CCDC171: variants seen among roughly 807,000 people sequenced by gnomAD.
CCDC171 encodes coiled-coil domain containing 171.
CCDC171 carries 177 observed loss-of-function variants against 168.2 expected under a neutral mutation model. That is an observed-to-expected ratio of 1.05 (90% confidence interval 0.93 to 1.19). The LOEUF is 1.19. Among genes scored for constraint, CCDC171 ranks in the 50% most tolerant of loss-of-function variants. The probability of loss-of-function intolerance (pLI) is 0.00; values close to 1 mark genes in which losing one functional copy is unlikely to be tolerated. For missense variants in CCDC171, 1,991 were observed against 1,539.0 expected (o/e 1.29, Z -4.91); for synonymous variants, 687 against 540.8 (o/e 1.27, Z -3.75).
chr9:15,977,803 G>C (rs16933846), downstream of CCDC171, among the ~76,000 whole-genome samples: 11,894 of 152,158 alleles, frequency 0.078, 1,520 homozygotes, highest in African/African-American at 0.27. Context: ...AAACATTCAC[G>C]ATGACAAGAA....
intron 16 of CCDC171, among the ~76,000 whole-genome samples, chr9:15,739,531 A>G (rs1489003011): frequency 6.6e-6 from 1 of 152,154 alleles, no homozygotes; most frequent in Non-Finnish European, 1.5e-5. Flanking sequence ...TTATCAGTAA[A>G]ACTGTGCCAA....
chr9:16,059,531 G>A (rs1356571977), intron 1 of CCDC171, among the ~76,000 whole-genome samples: 3 of 121,884 alleles, frequency 2.5e-5, no homozygotes, highest in Non-Finnish European at 4.8e-5. Flanking sequence ...TTTTTGAGAC[G>A]GAGTCTCGCT....
chr9:15,605,690 A>G lies in CCDC171; in HGVS notation c.675+11518A>G, dbSNP rs530405063. Reference sequence around the variant, plus strand: ...CGACAGAGCGAGACTCTGTCAAAAAAAAAAAAAGAAAAAAAAAAGTCCCTA... The same window carrying G: ...CGACAGAGCGAGACTCTGTCAAAAAGAAAAAAAGAAAAAAAAAAGTCCCTA... On this transcript the variant is annotated intron_variant, in intron 6 of 25. Transcript: ENST00000380701. 8.8e-4 allele frequency among the ~76,000 whole-genome samples: 134 copies of G among 151,838 alleles called. 2 individuals are homozygous for G. In the South Asian group the frequency reaches 0.027, roughly 31 times the overall value.
intron 16 of CCDC171, among the ~76,000 whole-genome samples, chr9:15,742,230 C>A (rs1389840253): frequency 6.6e-6 from 1 of 152,166 alleles, no homozygotes; most frequent in African/African-American, 2.4e-5. Flanking sequence ...ATTCTCACAT[C>A]CCTTTACTAA....
intron 7 of CCDC171, among the ~76,000 whole-genome samples, chr9:15,642,845 T>C (rs1281422118): frequency 6.6e-6 from 1 of 152,188 alleles, no homozygotes; most frequent in African/African-American, 2.4e-5. Context: ...TTTTGATTTT[T>C]GGAGTGAAAA....
chr9:15,640,315 A>T (rs1406254737), intron 7 of CCDC171, among the ~76,000 whole-genome samples: 10 of 152,104 alleles, frequency 6.6e-5, no homozygotes, highest in Non-Finnish European at 5.9e-5. Context: ...TCTGAGTCAC[A>T]AAGCAGCATT....
intron 21 of CCDC171, among the ~76,000 whole-genome samples, chr9:15,801,477 C>A (rs2058818289): frequency 6.6e-6 from 1 of 152,010 alleles, no homozygotes; most frequent in African/African-American, 2.4e-5. Flanking sequence ...TATCCTGCAG[C>A]TTTAGTGAAT....
intron 24 of CCDC171, among the ~76,000 whole-genome samples, chr9:15,906,583 A>G (rs973109433): frequency 1.3e-5 from 2 of 152,150 alleles, no homozygotes; most frequent in Non-Finnish European, 2.9e-5. Context: ...ATGGGCAAAA[A>G]CTGGAAGCAT....
intron 9 of CCDC171, among the ~76,000 whole-genome samples, chr9:15,673,409 T>A (rs963378406): frequency 6.6e-6 from 1 of 151,904 alleles, no homozygotes. Flanking sequence ...TGAGAGAGGG[T>A]CTCCTTGTCT....
chr9:15,772,835 G>C (rs1236208036), intron 18 of CCDC171, among the ~76,000 whole-genome samples: 4 of 152,118 alleles, frequency 2.6e-5, no homozygotes, highest in African/African-American at 9.7e-5. Context: ...TGACTACAGA[G>C]AAAATGGAAT....
intron 18 of CCDC171, among the ~76,000 whole-genome samples, chr9:15,749,936 T>C (rs546662218): frequency 4.0e-5 from 6 of 151,058 alleles, no homozygotes; most frequent in Non-Finnish European, 7.4e-5. Context: ...GCACACAGAT[T>C]CAAAAGCTAG....
intron 3 of CCDC171, among the ~76,000 whole-genome samples, chr9:15,985,443 G>A (rs903799220): frequency 6.6e-6 from 1 of 152,124 alleles, no homozygotes. Context: ...CTTCATCTGG[G>A]TTTTGAGTTT....
intron 25 of CCDC171, among the ~76,000 whole-genome samples, chr9:15,965,918 C>T (rs966581508): frequency 4.6e-5 from 7 of 152,088 alleles, no homozygotes; most frequent in South Asian, 2.1e-4. Flanking sequence ...AATCTAATTG[C>T]GACATAATCT....
intron 3 of CCDC171, among the ~76,000 whole-genome samples, chr9:16,018,572 G>A (rs1390608441): frequency 6.6e-6 from 1 of 152,130 alleles, no homozygotes; most frequent in Non-Finnish European, 1.5e-5. Context: ...AACATAATCA[G>A]TAATAAATCA....
Position 15,817,974 on chromosome 9 carries a change from C to T in CCDC171, c.3268-28728C>T, listed in dbSNP as rs368341531. Among the ~76,000 whole-genome samples, 8 of 116,934 alleles carry T rather than the reference C, an allele frequency of 6.8e-5. 1 individual carries two copies. The highest frequency in any genetic ancestry group is 4.3e-4 in the East Asian group (2 of 4,616). The allele number at this position is 116,934 out of a possible 152,430, so 76.7% of individuals were successfully genotyped here. ...GGGGCAGACTGACACCTCACACGGC[C>T]GGGTACTCCTCTGAGACAAAACTTC... On this transcript the variant is annotated intron_variant, in intron 21 of 25. Coordinates refer to ENST00000380701, the MANE Select transcript of CCDC171 (RefSeq NM_173550.4).
intron 25 of CCDC171, among the ~76,000 whole-genome samples, chr9:15,956,359 G>A (rs1222740651): frequency 2.6e-5 from 4 of 152,120 alleles, no homozygotes; most frequent in Admixed American, 6.6e-5. Context: ...ATTACTGATA[G>A]GATACTTGGA....
chr9:15,790,950 G>GTCTATA (rs2058226667), intron 21 of CCDC171, among the ~76,000 whole-genome samples: 1 of 152,106 alleles, frequency 6.6e-6, no homozygotes, highest in African/African-American at 2.4e-5. Context: ...TGTTCCATTG[G>GTCTATA]TCTATATCTC....
At chr9:16,029,145 G>A (rs976073104) in intron 6 of CCDC171, among the ~76,000 whole-genome samples, 1 of 152,156 alleles carries the variant, frequency 6.6e-6, no homozygotes, top group Non-Finnish European at 1.5e-5. Flanking sequence ...GGGCTGTAAG[G>A]CAACAAGTGG....
At chr9:16,107,097 CTGATTGTCACCCCTAA>C in the CCDC171 span, among the ~76,000 whole-genome samples, 1 of 152,190 alleles carries the variant, frequency 6.6e-6, no homozygotes, top group East Asian at 1.9e-4. Context: ...CAACCCTTTT[CTGATTGTCACCCCTAA>C]AGAAATTTGC....
Sources: allele counts gnomAD v4.1 joint callset (sites outside exome capture counted in the v4.1 genomes callset), GRCh38; gene constraint gnomAD v4.1.1; transcripts MANE v1.5; gene names NCBI Gene and HGNC (gene_info 2026-07-23, HGNC 2026-07-21).